The following GREB1 variants were observed in gnomAD, a reference collection of about 807,000 sequenced individuals.
GREB1 encodes growth regulating estrogen receptor binding 1.
In GREB1, 106 loss-of-function variants were observed where a neutral mutation model predicts 200.7. That is an observed-to-expected ratio of 0.53 (90% CI 0.45 to 0.62). The LOEUF (loss-of-function observed/expected upper bound fraction) is 0.62, where lower values mean the gene tolerates loss of function less well. GREB1 is among the 20% of genes least tolerant of loss of function. The pLI, the probability that GREB1 is intolerant of heterozygous loss-of-function variation, is 0.00. For missense variants in GREB1, 2,243 were observed against 2,556.8 expected (o/e 0.88, Z 2.65); for synonymous variants, 1,132 against 1,092.4 (o/e 1.04, Z -0.72).
At chr2:11,521,101 T>C (rs1194924824) in intron 1 of GREB1, among the ~76,000 whole-genome samples, 1 of 152,060 alleles carries the variant, frequency 6.6e-6, no homozygotes, top group Non-Finnish European at 1.5e-5. Context: ...TATGCTGGTC[T>C]TTTCTCTTCT....
At chr2:11,616,944 C>T (rs1168349303) in intron 21 of GREB1, among the ~76,000 whole-genome samples, 2 of 152,224 alleles carry the variant, frequency 1.3e-5, no homozygotes, top group African/African-American at 2.4e-5. Flanking sequence ...GTTCTGCTGC[C>T]CCTGTGCTCA....
intron 11 of GREB1, among the ~76,000 whole-genome samples, chr2:11,594,993 CTT>C (rs371356681): frequency 7.0e-6 from 1 of 143,252 alleles, no homozygotes. Context: ...TGTGCCTGGC[CTT>C]TTTTTTTTTT....
chr2:11,578,389 C>T lies in GREB1; in HGVS notation c.730C>T (p.Pro244Ser), dbSNP rs1340116167. The change falls in exon 6 of 33, where the codon CCT becomes TCT. Residue 244 changes from proline (P) to serine (S), a missense_variant. Physicochemically the swap from Pro to Ser is moderately conservative, Grantham distance 74. Around this residue, in one of 3 missense-constraint regions of GREB1, gnomAD observed 1,178 missense variants for 1,387.4 expected, o/e 0.85. Coordinates refer to ENST00000381486, the MANE Select transcript of GREB1 (RefSeq NM_014668.4). Reference sequence around the variant, plus strand: ...GGCTGCCTTCCCCAGCGAGCCCGTTCCTGGGACGAACCCCAGCATCCTGAT... The same window carrying T: ...GGCTGCCTTCCCCAGCGAGCCCGTTTCTGGGACGAACCCCAGCATCCTGAT... ...STAAFPSEPV[P>S]GTNPSILMGA... 6.2e-7 allele frequency: 1 copy of T among 1,613,912 alleles called. No homozygotes were observed. Among genetic ancestry groups the T allele is most frequent in the African/African-American group, 1.3e-5 (1 of 74,922 alleles).
At chr2:11,627,436 A>G (rs1271105016) in intron 25 of GREB1, among the ~76,000 whole-genome samples, 3 of 152,238 alleles carry the variant, frequency 2.0e-5, no homozygotes, top group Non-Finnish European at 4.4e-5. Flanking sequence ...CTGGGGCTGC[A>G]GAGCTGAATC....
intron 17 of GREB1, among the ~76,000 whole-genome samples, chr2:11,605,171 T>TTTTTTTTTTG (rs1682150088): frequency 7.2e-6 from 1 of 139,444 alleles, no homozygotes; most frequent in Non-Finnish European, 1.5e-5. Context: ...TTTTTTTTTT[T>TTTTTTTTTTG]TTTTTACGCA....
In GREB1 at chr2:11,598,693, G is replaced by A. The variant is rs771355489; in HGVS notation, c.2166G>A (p.Glu722=). The part of the protein sequence containing the change: ...LHVWHSGVLL[E]LGLKKEHMTK... Reference sequence around the variant, plus strand: ...TTTGTGTTGCAGGGGTTTTGCTGGAGCTTGGTCTGAAGAAAGAGCACATGA... The same window carrying A: ...TTTGTGTTGCAGGGGTTTTGCTGGAACTTGGTCTGAAGAAAGAGCACATGA... Residue 722 remains glutamate, a synonymous_variant, in exon 15 of 33, where the codon GAG becomes GAA. Transcript: ENST00000381486. The A allele has an allele frequency of 1.6e-4, 253 of 1,613,998 alleles. No homozygotes were observed. The highest frequency in any genetic ancestry group is 2.1e-4 in the Non-Finnish European group (245 of 1,179,996).
Position 11,518,167 on chromosome 2 carries a change from A to T in GREB1, c.-159+35786A>T, listed in dbSNP as rs560979520. On this transcript the variant is annotated intron_variant, in intron 1 of 2. Transcript: ENST00000628795. Reference sequence around the variant, plus strand: ...TCTTTTATGGTCTGCAATGGAGTGGACAACCTGCTGAGAGAACTGAGGCCT... The same window carrying T: ...TCTTTTATGGTCTGCAATGGAGTGGTCAACCTGCTGAGAGAACTGAGGCCT... Among the ~76,000 whole-genome samples, 5 of 152,212 alleles carry T rather than the reference A, an allele frequency of 3.3e-5. No homozygotes were observed. In the South Asian group the frequency reaches 6.2e-4, roughly 19 times the overall value.
intron 2 of GREB1, among the ~76,000 whole-genome samples, chr2:11,558,859 T>C (rs985360610): frequency 2.0e-5 from 3 of 152,168 alleles, no homozygotes; most frequent in African/African-American, 7.2e-5. Context: ...TCTGTTAACA[T>C]TTTATGTATT....
chr2:11,606,570 TAC>T (rs1184772572), intron 17 of GREB1, among the ~76,000 whole-genome samples: 2 of 152,128 alleles, frequency 1.3e-5, no homozygotes, highest in African/African-American at 4.8e-5. Context: ...CTGATATTAA[TAC>T]AGTTATTCTA....
At chr2:11,516,161 G>A (rs1673490778) in intron 1 of GREB1, among the ~76,000 whole-genome samples, 1 of 152,140 alleles carries the variant, frequency 6.6e-6, no homozygotes, top group South Asian at 2.1e-4. Flanking sequence ...CTTGCTGGAG[G>A]TCCTCCCAGA....
rs765394276 is a variant in GREB1, at chr2:11,600,865, A to G, written c.2399A>G (p.Asn800Ser). ...GTGGGATTGGTGGACCGATTGCTCA[A>G]CTGCAGGGAGGTGAAGGAGGCCCCC... ...PSVGLVDRLL[N>S]CREVKEAPNI... The change falls in exon 16 of 33, where the codon AAC becomes AGC. Residue 800 changes from asparagine to serine, a missense_variant. By Grantham distance (46) the Asn-to-Ser change is conservative. Around this residue, in one of 3 missense-constraint regions of GREB1, gnomAD observed 1,178 missense variants for 1,387.4 expected, o/e 0.85. Transcript: ENST00000381486. 2.5e-6 allele frequency: 4 copies of G among 1,614,136 alleles called. No individual in the cohort carries two copies. Among genetic ancestry groups the G allele is most frequent in the Non-Finnish European group, 3.4e-6 (4 of 1,180,032 alleles).
At chr2:11,505,707 C>T (rs918291274) in intron 1 of GREB1, among the ~76,000 whole-genome samples, 9 of 151,870 alleles carry the variant, frequency 5.9e-5, no homozygotes, top group African/African-American at 2.2e-4. Context: ...ATTAGCCGGG[C>T]GTGGTGATGG....
At chr2:11,485,952 A>C (rs75402924) in intron 1 of GREB1, among the ~76,000 whole-genome samples, 3,562 of 152,294 alleles carry the variant, frequency 0.023, 149 homozygotes, top group African/African-American at 0.082. Flanking sequence ...GCTACCCATG[A>C]CCAGGCACCA....
chr2:11,605,289 G>T (rs368180519), intron 17 of GREB1, among the ~76,000 whole-genome samples: 2 of 150,528 alleles, frequency 1.3e-5, no homozygotes, highest in Non-Finnish European at 3.0e-5. Flanking sequence ...GCAACGGCGC[G>T]ATCTCAGCTC....
chr2:11,496,312 C>T (rs1356275382), intron 1 of GREB1, among the ~76,000 whole-genome samples: 1 of 152,130 alleles, frequency 6.6e-6, no homozygotes, highest in East Asian at 1.9e-4. Context: ...CGGATGGGAA[C>T]AAAAATGCCT....
chr2:11,588,363 G>A, intron 9 of GREB1: 1 of 877,792 alleles, frequency 1.1e-6, no homozygotes, highest in South Asian at 2.2e-5. Flanking sequence ...GACCTGGCAG[G>A]CAGCACCCAG....
At chr2:11,595,531 C>A in intron 12 of GREB1, 152 bp downstream of exon 12, 1 of 715,904 alleles carries the variant, frequency 1.4e-6, no homozygotes, top group Non-Finnish European at 2.3e-6. Flanking sequence ...GCACTTCTGT[C>A]CCTTTCTTTT....
intron 4 of GREB1, among the ~76,000 whole-genome samples, chr2:11,572,526 G>A (rs1172054728): frequency 3.3e-5 from 5 of 152,118 alleles, no homozygotes; most frequent in African/African-American, 7.2e-5. Flanking sequence ...GCATAGGGCC[G>A]ATTTAGTCAT....
chr2:11,486,729 G>C (rs899130774), intron 1 of GREB1, among the ~76,000 whole-genome samples: 1 of 151,774 alleles, frequency 6.6e-6, no homozygotes, highest in Non-Finnish European at 1.5e-5. Flanking sequence ...TTAGCCAGGC[G>C]TGGTGGTGTG....
Sources: gnomAD v4.1 joint callset for allele counts (sites outside exome capture counted in the v4.1 genomes callset) on GRCh38, gnomAD v4.1.1 for gene constraint, gnomAD v4.1.1 regional missense constraint, MANE v1.5 for transcripts, NCBI Gene and HGNC (gene_info 2026-07-23, HGNC 2026-07-21) for gene names.